Variants in ANK2 observed in about 807,000 individuals in gnomAD.
ANK2 encodes ankyrin 2.
ANK2 carries 83 observed loss-of-function variants against 360.5 expected under a neutral mutation model. The ratio of observed to expected loss-of-function variants is 0.23; its 90% confidence interval spans 0.19 to 0.28. ANK2 has a LOEUF of 0.28. Among genes scored for constraint, ANK2 ranks in the 10% least tolerant of loss-of-function variants. ANK2 has a pLI of 1.00. For synonymous variants in ANK2, 1,740 were observed against 1,759.5 expected, an observed-to-expected ratio of 0.99 and a Z score of 0.28; for missense variants, 4,201 against 4,795.7, an observed-to-expected ratio of 0.88 and a Z score of 3.66.
intron 24 of ANK2, among the ~76,000 whole-genome samples, chr4:113,314,794 G>A (rs192616894): frequency 7.9e-5 from 12 of 152,200 alleles, no homozygotes; most frequent in African/African-American, 2.9e-4. Flanking sequence ...TTTCATTTAA[G>A]TAGATTATAC....
intron 2 of ANK2, among the ~76,000 whole-genome samples, chr4:112,991,595 T>C (rs1464353394): frequency 1.3e-5 from 2 of 148,762 alleles, no homozygotes; most frequent in South Asian, 2.1e-4. Context: ...GCAAGCTTTT[T>C]TTTTTCTTTT....
intron 17 of ANK2, among the ~76,000 whole-genome samples, chr4:113,279,955 C>T (rs772282082): frequency 6.6e-6 from 1 of 151,990 alleles, no homozygotes; most frequent in Non-Finnish European, 1.5e-5. Context: ...ATATCATATT[C>T]ATTTGCATAT....
At chr4:112,795,590 G>C in the ANK2 span, among the ~76,000 whole-genome samples, 4 of 151,918 alleles carry the variant, frequency 2.6e-5, no homozygotes, top group Non-Finnish European at 5.9e-5. Flanking sequence ...TGCAACCTCT[G>C]CCTCCTGGGT....
intron 1 of ANK2, among the ~76,000 whole-genome samples, chr4:112,851,101 G>A (rs1449906789): frequency 6.6e-6 from 1 of 152,130 alleles, no homozygotes; most frequent in Non-Finnish European, 1.5e-5. Flanking sequence ...GACAGATGAA[G>A]ACCAAAATGC....
chr4:113,292,250 G>A (rs918391203), intron 20 of ANK2, among the ~76,000 whole-genome samples, 166 bp from the exon 21 acceptor site: 2 of 152,204 alleles, frequency 1.3e-5, no homozygotes, highest in Non-Finnish European at 2.9e-5. Context: ...CATAAGGTGT[G>A]AGGGAGTGTT....
intron 1 of ANK2, among the ~76,000 whole-genome samples, chr4:113,172,987 A>G (rs760020760): frequency 2.0e-5 from 3 of 152,226 alleles, no homozygotes; most frequent in Non-Finnish European, 4.4e-5. Flanking sequence ...GCACTCTGCC[A>G]TTGGTACAGA....
chr4:113,258,167 T>C lies in ANK2; in HGVS notation c.1287+19T>C, dbSNP rs754784099. 16 of 1,598,114 alleles carry C rather than the reference T, an allele frequency of 1.0e-5. No individual in the cohort carries two copies. Among genetic ancestry groups the C allele is most frequent in the Non-Finnish European group, 1.1e-5 (13 of 1,165,614 alleles). The stretch of plus-strand genomic sequence containing the variant: ...AACAGAGGTAGAAAAATGTTTTAGC[T>C]AGTCACAAAGCATTCCTTCTCTTAC... On this transcript the variant is annotated intron_variant, in intron 12 of 45. Coordinates refer to ENST00000357077, the MANE Select transcript of ANK2 (RefSeq NM_001148.6).
intron 2 of ANK2, among the ~76,000 whole-genome samples, chr4:112,996,170 C>G (rs2048443908): frequency 6.6e-6 from 1 of 151,934 alleles, no homozygotes. Flanking sequence ...GTGAAGAAGC[C>G]AGACATAAAA....
intron 14 of ANK2, 34 bp downstream of exon 14, chr4:113,265,029 G>A (rs1053019132): frequency 1.2e-5 from 19 of 1,537,372 alleles, no homozygotes; most frequent in Admixed American, 7.8e-5. Flanking sequence ...CTCTTCTATC[G>A]CAGCGCATGA....
intron 1 of ANK2, among the ~76,000 whole-genome samples, chr4:113,054,888 C>T (rs2068840947): frequency 6.6e-6 from 1 of 152,150 alleles, no homozygotes. Flanking sequence ...AATTTTTTCA[C>T]TGATAATTTC....
At position 113,315,852 on chromosome 4, in the gene ANK2, G is replaced by C. The variant is rs570824943; in HGVS notation, c.2694-1855G>C. Among the ~76,000 whole-genome samples the C allele has an allele frequency of 2.1e-5, 3 of 141,764 alleles. No homozygotes were observed. The East Asian group carries it at 6.2e-4, about 29-fold the overall frequency. The allele number at this position is 141,764 out of a possible 152,430, so 93.0% of individuals were successfully genotyped here. On this transcript the variant is annotated intron_variant, in intron 24 of 45. Transcript: ENST00000357077. Reference sequence around the variant, plus strand: ...GCGGAGCTTGCACTGAGCCACGATCGCGCCACTGCACTCCAGCCTGGGTGA... The same window carrying C: ...GCGGAGCTTGCACTGAGCCACGATCCCGCCACTGCACTCCAGCCTGGGTGA...
intron 17 of ANK2, among the ~76,000 whole-genome samples, chr4:113,281,600 C>G (rs934265317): frequency 2.6e-5 from 4 of 152,132 alleles, no homozygotes; most frequent in African/African-American, 9.7e-5. Context: ...TCATTATGCT[C>G]TCTTTCCCTT....
At chr4:113,126,195 G>A (rs1219699765) in intron 1 of ANK2, among the ~76,000 whole-genome samples, 1 of 152,126 alleles carries the variant, frequency 6.6e-6, no homozygotes, top group African/African-American at 2.4e-5. Flanking sequence ...AATTCACAGA[G>A]AAATATCATC....
intron 4 of ANK2, among the ~76,000 whole-genome samples, chr4:113,223,838 G>A (rs1263420002): frequency 2.0e-5 from 3 of 152,186 alleles, no homozygotes; most frequent in Non-Finnish European, 4.4e-5. Flanking sequence ...GTTGTGCAGA[G>A]TTTCTCATAA....
At chr4:112,922,064 G>A (rs1231892821) in intron 2 of ANK2, among the ~76,000 whole-genome samples, 1 of 152,110 alleles carries the variant, frequency 6.6e-6, no homozygotes, top group African/African-American at 2.4e-5. Flanking sequence ...TTCAAATATT[G>A]TAATTCTTGA....
chr4:113,135,901 A>T (rs148158667), intron 1 of ANK2, among the ~76,000 whole-genome samples: 1 of 152,336 alleles, frequency 6.6e-6, no homozygotes, highest in East Asian at 1.9e-4. Flanking sequence ...TGGTAATTGG[A>T]TAAATGACTG....
rs1419976241 is a variant in ANK2 at position 113,356,866 on chromosome 4, G to C, written c.8248G>C (p.Val2750Leu). Residue 2750 changes from valine (V) to leucine (L), a missense_variant, in exon 38 of 46, where the codon GTT becomes CTT. Transcript: ENST00000357077. ...CCATTTAGCTGAAGACCGTCATGCT[G>C]TTTCCACTGAGGCTGAAGACAGGTC... is the stretch of plus-strand genomic sequence containing the variant. ...ESHLAEDRHA[V>L]STEAEDRSYD... 1.2e-6 allele frequency: 2 copies of C among 1,613,918 alleles called. No individual in the cohort carries two copies. Among genetic ancestry groups the C allele is most frequent in the East Asian group, 2.2e-5 (1 of 44,884 alleles).
chr4:113,264,976 T>A lies in ANK2; in HGVS notation c.1466T>A (p.Leu489His). 6.4e-7 allele frequency: 1 copy of A among 1,563,854 alleles called. No individual in the cohort carries two copies. Among genetic ancestry groups the A allele is most frequent in the African/African-American group, 1.3e-5 (1 of 74,076 alleles). The change falls in exon 14 of 46, where the codon CTT (leucine) becomes CAT (histidine). Residue 489 changes from leucine (L) to histidine (H), a missense_variant. Physicochemically the swap from Leu to His is moderately conservative, Grantham distance 99. Coordinates refer to ENST00000357077, the MANE Select transcript of ANK2 (RefSeq NM_001148.6). ...VVRCLLRNGA[L>H]VDARAREEQT... ...CGATGCCTCCTGAGAAATGGTGCCC[T>A]TGTTGATGCCAGAGCCAGGGTAGGT...
At chr4:112,773,957 T>G in the ANK2 span, among the ~76,000 whole-genome samples, 2 of 151,854 alleles carry the variant, frequency 1.3e-5, no homozygotes, top group Non-Finnish European at 2.9e-5. Context: ...CCAGCCACCA[T>G]GCCCAGCTAA....
Sources: allele counts gnomAD v4.1 joint callset (sites outside exome capture counted in the v4.1 genomes callset), GRCh38; gene constraint gnomAD v4.1.1; transcripts MANE v1.5; gene names NCBI Gene and HGNC (gene_info 2026-07-23, HGNC 2026-07-21).